The following GLIS3 variants were observed in gnomAD, a reference collection of about 807,000 sequenced individuals.
GLIS3 encodes GLIS family zinc finger 3.
A neutral mutation model predicts 78.6 loss-of-function variants in GLIS3; 53 were observed. The ratio of observed to expected loss-of-function variants is 0.67; its 90% CI spans 0.54 to 0.85. The LOEUF (loss-of-function observed/expected upper bound fraction) is 0.85, where lower values mean the gene tolerates loss of function less well. Among genes scored for constraint, GLIS3 ranks in the 40% least tolerant of loss-of-function variants. The probability of loss-of-function intolerance (pLI) is 0.00; values close to 1 mark genes in which losing one functional copy is unlikely to be tolerated. For missense variants in GLIS3, 1,703 were observed against 1,231.1 expected, an observed-to-expected ratio of 1.38 and a Z score of -5.74; for synonymous variants, 684 against 509.9, an observed-to-expected ratio of 1.34 and a Z score of -4.60.
At chr9:3,922,243 G>A (rs1327680381) in intron 6 of GLIS3, among the ~76,000 whole-genome samples, 1 of 152,046 alleles carries the variant, frequency 6.6e-6, no homozygotes, top group African/African-American at 2.4e-5. Flanking sequence ...TACTGTCAAG[G>A]CAATATATTC....
intron 4 of GLIS3, among the ~76,000 whole-genome samples, chr9:4,021,327 G>A (rs982065424): frequency 6.6e-6 from 1 of 152,112 alleles, no homozygotes; most frequent in African/African-American, 2.4e-5. Flanking sequence ...CATTTTATAT[G>A]TGGTTTTGAT....
chr9:3,937,744 A>G (rs1825975836), intron 4 of GLIS3, among the ~76,000 whole-genome samples: 1 of 152,252 alleles, frequency 6.6e-6, no homozygotes, highest in Non-Finnish European at 1.5e-5. Flanking sequence ...AACCCTCAAA[A>G]GAGTGACCAT....
chr9:3,952,272 C>T (rs12685230), intron 4 of GLIS3, among the ~76,000 whole-genome samples: 2 of 151,950 alleles, frequency 1.3e-5, no homozygotes, highest in Non-Finnish European at 2.9e-5. Context: ...AGGTTTACTT[C>T]TTGGTCACCT....
chr9:4,418,476 A>C, the GLIS3 span, among the ~76,000 whole-genome samples: 1 of 152,210 alleles, frequency 6.6e-6, no homozygotes, highest in Non-Finnish European at 1.5e-5. Flanking sequence ...GAACAGAAAT[A>C]AAAGTGGTGT....
chr9:4,460,742 T>C, the GLIS3 span, among the ~76,000 whole-genome samples: 1 of 152,234 alleles, frequency 6.6e-6, no homozygotes, highest in African/African-American at 2.4e-5. Context: ...TTCTCTTTCC[T>C]TTTTTCTTCT....
At chr9:4,246,353 C>G (rs774539805) in intron 2 of GLIS3, among the ~76,000 whole-genome samples, 26 of 152,222 alleles carry the variant, frequency 1.7e-4, no homozygotes, top group Non-Finnish European at 2.5e-4. Flanking sequence ...TGAAGTTAGT[C>G]ACTGCCCAGA....
chr9:3,905,269 C>A (rs1008620878), intron 6 of GLIS3, among the ~76,000 whole-genome samples: 1 of 150,630 alleles, frequency 6.6e-6, no homozygotes, highest in Non-Finnish European at 1.5e-5. Context: ...GGATTACAGG[C>A]ATGAGCCACT....
chr9:4,303,449 T>C (rs180747169), upstream of GLIS3, among the ~76,000 whole-genome samples: 3 of 152,322 alleles, frequency 2.0e-5, no homozygotes, highest in Admixed American at 6.5e-5. Flanking sequence ...ATGTTATCAG[T>C]GTGTGATATA....
the GLIS3 span, among the ~76,000 whole-genome samples, chr9:4,478,081 C>T: frequency 6.6e-6 from 1 of 152,104 alleles, no homozygotes; most frequent in Non-Finnish European, 1.5e-5. Context: ...TAACTGATTC[C>T]AGTTTCAGGG....
At chr9:4,196,262 T>A (rs1406516351) in intron 2 of GLIS3, among the ~76,000 whole-genome samples, 1 of 152,016 alleles carries the variant, frequency 6.6e-6, no homozygotes, top group Non-Finnish European at 1.5e-5. Context: ...CAGCACCCTG[T>A]CAAAACAGTC....
At chr9:4,019,972 G>A (rs889439896) in intron 4 of GLIS3, among the ~76,000 whole-genome samples, 3 of 152,142 alleles carry the variant, frequency 2.0e-5, no homozygotes, top group African/African-American at 7.2e-5. Context: ...TACACAGGCT[G>A]GTCCTGAACT....
chr9:4,307,491 G>T (rs544237210), intron 4 of GLIS3, among the ~76,000 whole-genome samples: 10 of 152,070 alleles, frequency 6.6e-5, no homozygotes, highest in African/African-American at 1.9e-4. Context: ...CTCTTACTCT[G>T]TGAGGCTTTC....
chr9:3,958,510 A>G (rs964381149), intron 4 of GLIS3, among the ~76,000 whole-genome samples: 1 of 152,152 alleles, frequency 6.6e-6, no homozygotes, highest in Non-Finnish European at 1.5e-5. Context: ...TCCCCACTCT[A>G]TTCTGCTATT....
intron 2 of GLIS3, among the ~76,000 whole-genome samples, chr9:4,249,188 A>G (rs1389884143): frequency 6.6e-6 from 1 of 152,202 alleles, no homozygotes; most frequent in Non-Finnish European, 1.5e-5. Flanking sequence ...TGGGGATAGC[A>G]TTGAATCTGT....
intron 6 of GLIS3, among the ~76,000 whole-genome samples, chr9:3,913,722 C>T (rs1454331555): frequency 6.6e-6 from 1 of 152,208 alleles, no homozygotes. Flanking sequence ...TTCTCTTCAT[C>T]TTGCTGTTAG....
chr9:3,863,396 G>A (rs527645910), intron 8 of GLIS3, among the ~76,000 whole-genome samples: 8 of 152,214 alleles, frequency 5.3e-5, no homozygotes, highest in East Asian at 1.9e-4. Context: ...AGAAACAGCC[G>A]CTGGGAAGTG....
At chr9:3,859,824 A>G (rs1403827130) in intron 8 of GLIS3, among the ~76,000 whole-genome samples, 1 of 152,202 alleles carries the variant, frequency 6.6e-6, no homozygotes. Flanking sequence ...AAAAAAAATT[A>G]CTGCTTACCA....
At chr9:4,260,412 C>A (rs561210445) in intron 2 of GLIS3, among the ~76,000 whole-genome samples, 1 of 151,840 alleles carries the variant, frequency 6.6e-6, no homozygotes, top group Non-Finnish European at 1.5e-5. Flanking sequence ...TAAAAAAATA[C>A]AAGAATTAGC....
intron 2 of GLIS3, among the ~76,000 whole-genome samples, chr9:4,251,975 C>T (rs1033947835): frequency 5.3e-5 from 8 of 152,206 alleles, no homozygotes; most frequent in African/African-American, 1.9e-4. Flanking sequence ...GAGAGATCTG[C>T]TGTTAGTCTG....
Sources: allele counts gnomAD v4.1 joint callset (sites outside exome capture counted in the v4.1 genomes callset), GRCh38; gene constraint gnomAD v4.1.1; transcripts MANE v1.5; gene names NCBI Gene and HGNC (gene_info 2026-07-23, HGNC 2026-07-21).